HSD17B3: variants seen among roughly 807,000 people sequenced by gnomAD.
HSD17B3 encodes 17-beta-hydroxysteroid dehydrogenase type 3.
In HSD17B3, 29 loss-of-function variants were observed where a neutral mutation model predicts 41.1. That is an observed-to-expected ratio of 0.71 (90% confidence interval 0.53 to 0.96). The LOEUF (loss-of-function observed/expected upper bound fraction) is 0.96. Among genes scored for constraint, HSD17B3 ranks in the 40% least tolerant of loss-of-function variants. The probability of loss-of-function intolerance (pLI) is 0.00; values close to 1 mark genes in which losing one functional copy is unlikely to be tolerated. For synonymous variants in HSD17B3, 126 were observed against 145.6 expected (o/e 0.87, Z 0.97); for missense variants, 323 against 374.6 (o/e 0.86, Z 1.14).
chr9:96,257,090 G>A (rs776402570), intron 2 of HSD17B3, among the ~76,000 whole-genome samples: 8 of 152,052 alleles, frequency 5.3e-5, no homozygotes, highest in Non-Finnish European at 1.0e-4. Context: ...GTTTCCTGAG[G>A]CCTCCGAAGC....
chr9:96,292,327 G>T (rs1161321795), intron 2 of HSD17B3, among the ~76,000 whole-genome samples: 1 of 152,134 alleles, frequency 6.6e-6, no homozygotes, highest in Non-Finnish European at 1.5e-5. Flanking sequence ...AAAAGTATTT[G>T]AATAAATAAT....
chr9:96,282,983 G>A (rs1199227977), intron 2 of HSD17B3, among the ~76,000 whole-genome samples: 1 of 141,938 alleles, frequency 7.0e-6, no homozygotes, highest in Non-Finnish European at 1.5e-5. Context: ...AAGCACAACA[G>A]GTTTCTTTCT....
chr9:96,259,607 G>A (rs966530770), intron 2 of HSD17B3, among the ~76,000 whole-genome samples: 7 of 152,224 alleles, frequency 4.6e-5, no homozygotes, highest in African/African-American at 1.7e-4. Flanking sequence ...TGTAGCCCCA[G>A]CTACTCAGGG....
chr9:96,294,366 T>G (rs1001951564), intron 2 of HSD17B3, among the ~76,000 whole-genome samples: 3 of 152,202 alleles, frequency 2.0e-5, no homozygotes, highest in African/African-American at 4.8e-5. Context: ...AAGCGCAGAA[T>G]GGATGTGTAA....
chr9:96,240,769 G>A lies in HSD17B3; in HGVS notation c.811C>T (p.His271Tyr). 1 of 1,614,168 alleles carries A rather than the reference G, an allele frequency of 6.2e-7. No individual in the cohort carries two copies. The highest frequency in any genetic ancestry group is 1.3e-5 in the African/African-American group (1 of 75,052). The part of the protein sequence containing the change: ...IGGETCGCLA[H>Y]EILAGFLSLI... ...AAGTTATCAATTACCAAGATTTCAT[G>A]GGCAAGGCAGCCACAGGTTTCACCT... The change falls in exon 10 of 11, where the codon CAT (histidine) becomes TAT (tyrosine). Residue 271 changes from histidine to tyrosine, a missense_variant. Transcript: ENST00000375263.
In HSD17B3 at chr9:96,249,731, C is replaced by T. The variant is rs1836818083; in HGVS notation, c.489+20G>A. The T allele has an allele frequency of 6.2e-7, 1 of 1,612,598 alleles. No individual in the cohort carries two copies. Among genetic ancestry groups the T allele is most frequent in the East Asian group, 2.2e-5 (1 of 44,876 alleles). On this transcript the variant is annotated intron_variant, in intron 6 of 10. Transcript: ENST00000375263. ...AGTTACTACATGTTAATGCATTTCG[C>T]ACATATATTGATCACATACCTTGAC...
rs1360240319 is a variant in HSD17B3 at position 96,283,249 on chromosome 9, C to CAAAGTG, written c.201+15166_201+15167insCACTTT. Reference sequence around the variant, plus strand: ...CAAACTCCTGACCTCAGGTGATCCACCTGCCTCAATCTCCCAAAGTGCTGG... The same window carrying CAAAGTG: ...CAAACTCCTGACCTCAGGTGATCCACAAAGTGCTGCCTCAATCTCCCAAAGTGCTGG... On this transcript the variant is annotated intron_variant, in intron 2 of 10. Transcript: ENST00000375263. Among the ~76,000 whole-genome samples the CAAAGTG allele has an allele frequency of 1.2e-4, 19 of 152,122 alleles. No individual in the cohort carries two copies. The East Asian group carries it at 3.5e-3, about 28-fold the overall frequency.
chr9:96,262,008 A>G (rs1457209073), intron 2 of HSD17B3, among the ~76,000 whole-genome samples: 1 of 152,144 alleles, frequency 6.6e-6, no homozygotes. Context: ...AAAGTGACCA[A>G]AGGACTTTGT....
At chr9:96,285,216 T>C (rs1826871502) in intron 2 of HSD17B3, among the ~76,000 whole-genome samples, 1 of 152,184 alleles carries the variant, frequency 6.6e-6, no homozygotes, top group African/African-American at 2.4e-5. Flanking sequence ...AGGCCAAGTA[T>C]AATGAAGCAA....
At chr9:96,280,723 T>C (rs1013993080) in intron 2 of HSD17B3, among the ~76,000 whole-genome samples, 1 of 152,198 alleles carries the variant, frequency 6.6e-6, no homozygotes, top group Non-Finnish European at 1.5e-5. Flanking sequence ...AGGCATTCTA[T>C]GTCACAGGGT....
chr9:96,255,710 T>G (rs767380967), intron 2 of HSD17B3, among the ~76,000 whole-genome samples: 97 of 152,142 alleles, frequency 6.4e-4, no homozygotes, highest in Admixed American at 9.2e-4. Context: ...ACTTGTGAGC[T>G]GCTTCCTATG....
At position 96,246,643 on chromosome 9, in the gene HSD17B3, G is replaced by A. The variant is rs1478818573; in HGVS notation, c.490-53C>T. On this transcript the variant is annotated intron_variant, in intron 6 of 10. Transcript: ENST00000375263. Reference sequence around the variant, plus strand: ...GACAAGGAACTAAGTAGCAGTGCAAGGGGGCGGGATGGAAACAGGGAAGGG... The same window carrying A: ...GACAAGGAACTAAGTAGCAGTGCAAAGGGGCGGGATGGAAACAGGGAAGGG... 2.9e-5 allele frequency: 45 copies of A among 1,543,110 alleles called. No individual in the cohort carries two copies. The East Asian group carries it at 7.6e-4, about 26-fold the overall frequency.
At chr9:96,280,139 G>A (rs1157639009) in intron 2 of HSD17B3, among the ~76,000 whole-genome samples, 3 of 152,182 alleles carry the variant, frequency 2.0e-5, no homozygotes, top group Non-Finnish European at 4.4e-5. Flanking sequence ...CCAAAGGGAG[G>A]AGGCCGTAAT....
intron 2 of HSD17B3, among the ~76,000 whole-genome samples, chr9:96,271,301 G>A (rs966498020): frequency 6.6e-6 from 1 of 152,008 alleles, no homozygotes; most frequent in Non-Finnish European, 1.5e-5. Context: ...TTTAGAACAG[G>A]GTTTATGGTT....
intron 2 of HSD17B3, among the ~76,000 whole-genome samples, chr9:96,281,866 G>T (rs1050731468): frequency 6.6e-6 from 1 of 152,156 alleles, no homozygotes; most frequent in African/African-American, 2.4e-5. Context: ...CCTGCCTCAG[G>T]CAATGCTTTC....
At chr9:96,276,107 T>TAAAAAAAAAAAAAA (rs57386167) in intron 2 of HSD17B3, among the ~76,000 whole-genome samples, 10 of 41,128 alleles carry the variant, frequency 2.4e-4, no homozygotes, top group Admixed American at 8.0e-4. Flanking sequence ...TCCTGTCTCA[T>TAAAAAAAAAAAAAA]AAAAAAAAAA....
chr9:96,248,947 CCAGGCTCGACTGCAGTGACACAGTCT>C (rs925744332), intron 6 of HSD17B3, among the ~76,000 whole-genome samples: 1 of 151,762 alleles, frequency 6.6e-6, no homozygotes, highest in African/African-American at 2.4e-5. Flanking sequence ...TCTCTGTCGC[CCAGGCTCGACTGCAGTGACACAGTCT>C]CAGCTCACTG....
At chr9:96,252,121 A>C (rs1825439521) in intron 4 of HSD17B3, among the ~76,000 whole-genome samples, 1 of 150,616 alleles carries the variant, frequency 6.6e-6, no homozygotes, top group Admixed American at 6.6e-5. Context: ...CAACTATACT[A>C]TTTCATGGAT....
intron 1 of HSD17B3, among the ~76,000 whole-genome samples, chr9:96,300,702 A>C (rs1830063913): frequency 6.6e-6 from 1 of 151,978 alleles, no homozygotes. Context: ...GAGATGCTGA[A>C]ACCATGGCCT....
Sources: gnomAD v4.1 joint callset for allele counts (sites outside exome capture counted in the v4.1 genomes callset) on GRCh38, gnomAD v4.1.1 for gene constraint, MANE v1.5 for transcripts, NCBI Gene and HGNC (gene_info 2026-07-23, HGNC 2026-07-21) for gene names.